Variants in COG2 observed in about 807,000 individuals in gnomAD.
COG2 encodes component of oligomeric golgi complex 2.
In COG2, 52 loss-of-function variants were observed where a neutral mutation model predicts 90.6. The observed-to-expected ratio is 0.57, with a 90% CI of 0.46 to 0.72. The LOEUF (loss-of-function observed/expected upper bound fraction) is 0.72. COG2 is among the 30% of genes least tolerant of loss of function. COG2 has a pLI of 0.00. For synonymous variants in COG2, 337 were observed against 320.4 expected, an observed-to-expected ratio of 1.05 and a Z score of -0.55; for missense variants, 829 against 891.2, an observed-to-expected ratio of 0.93 and a Z score of 0.89.
intron 1 of COG2, among the ~76,000 whole-genome samples, chr1:230,655,043 C>A (rs1571944539): frequency 2.0e-5 from 3 of 152,148 alleles, no homozygotes; most frequent in African/African-American, 7.2e-5. Context: ...CATCTGCAAA[C>A]AGAGACAATT....
intron 3 of COG2, 45 bp downstream of exon 3, chr1:230,660,868 T>C: frequency 1.5e-6 from 2 of 1,316,986 alleles, no homozygotes; most frequent in Non-Finnish European, 1.0e-6. Flanking sequence ...TAAAGCATGA[T>C]ATGCTTGTTT....
intron 13 of COG2, among the ~76,000 whole-genome samples, chr1:230,687,363 G>A (rs1164294451): frequency 4.6e-5 from 7 of 152,140 alleles, no homozygotes; most frequent in Non-Finnish European, 1.0e-4. Context: ...CCTCCTGTGT[G>A]GAGTGCATTC....
intron 4 of COG2, among the ~76,000 whole-genome samples, 153 bp from the exon 5 acceptor site, chr1:230,664,331 A>G (rs571520552): frequency 2.0e-5 from 3 of 152,320 alleles, no homozygotes; most frequent in African/African-American, 7.2e-5. Context: ...ATTCTTGGGA[A>G]TTTTGTGTTA....
At position 230,693,981 on chromosome 1, in the gene COG2, CA is replaced by C. The variant is rs66582779; in HGVS notation, c.*589del. 0.13 allele frequency: 19,128 copies of C among 152,252 alleles called. 1,798 individuals are homozygous for C. The highest frequency in any genetic ancestry group is 0.47 in the East Asian group (2,430 of 5,162). The allele number at this position is 152,252 out of a possible 1,614,324, so 9.4% of individuals were successfully genotyped here. The stretch of plus-strand genomic sequence containing the variant: ...CTTCCTAAATAAAAGAAGTGTCTCC[CA>C]TGAGTGTGTGCTCGTTTTCTTTGGG... On this transcript the variant is annotated 3_prime_UTR_variant, in exon 18 of 18. Transcript: ENST00000366669.
intron 10 of COG2, chr1:230,679,776 T>C (rs981375041): frequency 6.6e-6 from 1 of 152,254 alleles, no homozygotes; most frequent in Admixed American, 6.5e-5. Context: ...TGTTCTTCCG[T>C]AGAATGGATT....
rs1661645385 is a variant in COG2, at chr1:230,642,544, G to C, written c.-63G>C. The C allele has an allele frequency of 2.0e-6, 3 of 1,536,362 alleles. No homozygotes were observed. Reference sequence around the variant, plus strand: ...GGCGGTGGCCGCGGCCGCCGAGTCGGTCTGCGCAGCCTCCTGCGTTTTCTC... The same window carrying C: ...GGCGGTGGCCGCGGCCGCCGAGTCGCTCTGCGCAGCCTCCTGCGTTTTCTC... On this transcript the variant is annotated 5_prime_UTR_variant, in exon 1 of 18. Coordinates refer to ENST00000366669, the MANE Select transcript of COG2 (RefSeq NM_007357.3).
chr1:230,666,828 A>G (rs1200773735), intron 5 of COG2, among the ~76,000 whole-genome samples: 1 of 152,242 alleles, frequency 6.6e-6, no homozygotes, highest in Admixed American at 6.5e-5. Context: ...GTGGAAAAAA[A>G]GCAGGTTATA....
intron 8 of COG2, 114 bp downstream of exon 8, chr1:230,671,754 A>G (rs920462893): frequency 4.3e-6 from 4 of 923,682 alleles, no homozygotes; most frequent in East Asian, 5.3e-5. Flanking sequence ...GTATGAATCC[A>G]TTATGAATCT....
At chr1:230,666,820 G>A (rs1172180091) in intron 5 of COG2, among the ~76,000 whole-genome samples, 1 of 152,068 alleles carries the variant, frequency 6.6e-6, no homozygotes, top group Non-Finnish European at 1.5e-5. Context: ...TGTGCTAAGT[G>A]GAAAAAAAGC....
chr1:230,658,788 C>T (rs776227557), intron 1 of COG2, among the ~76,000 whole-genome samples: 1 of 152,192 alleles, frequency 6.6e-6, no homozygotes, highest in Non-Finnish European at 1.5e-5. Flanking sequence ...CCACAGCGGC[C>T]TTGCTGAGCT....
rs1024880849 is a variant in COG2, at chr1:230,667,274, A to G, written c.486-1402A>G. On this transcript the variant is annotated intron_variant, in intron 5 of 17. Coordinates refer to ENST00000366669, the MANE Select transcript of COG2 (RefSeq NM_007357.3). ...TGTCTGTTTCTAGACATACTCTTAT[A>G]TTATTGTATTATATTATATTCAGTA... 3.3e-5 allele frequency among the ~76,000 whole-genome samples: 5 copies of G among 152,246 alleles called. No individual in the cohort carries two copies. The South Asian group carries it at 8.3e-4, about 25-fold the overall frequency.
At chr1:230,648,964 AAG>A (rs1314360283) in intron 1 of COG2, among the ~76,000 whole-genome samples, 4 of 152,224 alleles carry the variant, frequency 2.6e-5, no homozygotes, top group African/African-American at 9.6e-5. Context: ...AGGAGAGAGA[AAG>A]AGAAGAAATC....
Position 230,668,724 on chromosome 1 carries a change from T to C in COG2, c.534T>C (p.Asn178=), listed in dbSNP as rs1420226574. 6.2e-7 allele frequency: 1 copy of C among 1,613,150 alleles called. No homozygotes were observed. The highest frequency in any genetic ancestry group is 8.5e-7 in the Non-Finnish European group (1 of 1,179,536). Residue 178 remains asparagine, a synonymous_variant, in exon 6 of 18, where the codon AAT becomes AAC. Transcript: ENST00000366669. The part of the protein sequence containing the change: ...QILERIATEF[N]QLQFHAVQSK... ...TGGAGAGAATTGCCACAGAATTTAA[T>C]CAGTTACAGTTTCATGCTGTTCAAA...
At chr1:230,689,727 G>T (rs1662975281) in intron 15 of COG2, among the ~76,000 whole-genome samples, 2 of 152,218 alleles carry the variant, frequency 1.3e-5, no homozygotes, top group African/African-American at 4.8e-5. Context: ...GCCACGGGAA[G>T]CAGTGCCCTA....
At chr1:230,688,353 G>T in intron 14 of COG2, 67 bp from the exon 15 acceptor site, 3 of 1,563,496 alleles carry the variant, frequency 1.9e-6, no homozygotes, top group Non-Finnish European at 2.6e-6. Flanking sequence ...TGCTGTGACA[G>T]TATTTCAAAT....
chr1:230,669,451 C>G lies in COG2; in HGVS notation c.690C>G (p.Cys230Trp), dbSNP rs778276078. Reference sequence around the variant, plus strand: ...CTGACGTCGATATAATACGGCACTGCTTGCGGACTTACGCCACGATTGACA... The same window carrying G: ...CTGACGTCGATATAATACGGCACTGGTTGCGGACTTACGCCACGATTGACA... Reference protein sequence around the residue: ...QTSDVDIIRHCLRTYATIDKT... With the variant: ...QTSDVDIIRHWLRTYATIDKT... The change falls in exon 7 of 18, where the codon TGC (cysteine) becomes TGG (tryptophan). Residue 230 changes from cysteine (C) to tryptophan (W), a missense_variant. Transcript: ENST00000366669. 2.5e-6 allele frequency: 4 copies of G among 1,614,078 alleles called. No homozygotes were observed. The highest frequency in any genetic ancestry group is 1.1e-5 in the South Asian group (1 of 91,088).
chr1:230,645,588 C>A (rs185055613), intron 1 of COG2, among the ~76,000 whole-genome samples: 1 of 152,148 alleles, frequency 6.6e-6, no homozygotes, highest in East Asian at 1.9e-4. Context: ...TTTCCATGGA[C>A]CAGGAGTGCA....
intron 1 of COG2, among the ~76,000 whole-genome samples, chr1:230,653,107 CT>C (rs1415260714): frequency 6.6e-6 from 1 of 152,128 alleles, no homozygotes; most frequent in African/African-American, 2.4e-5. Context: ...ATTTATTTGT[CT>C]TATAACTGAA....
chr1:230,690,040 T>A lies in COG2; in HGVS notation c.1821T>A (p.Tyr607Ter), dbSNP rs778467861. 6.2e-7 allele frequency: 1 copy of A among 1,609,936 alleles called. No individual in the cohort carries two copies. The highest frequency in any genetic ancestry group is 1.1e-5 in the South Asian group (1 of 90,242). The change falls in exon 16 of 18, where the codon TAT becomes TAA. Residue 607 changes from tyrosine to a stop codon, truncating the protein, a stop_gained. Coordinates refer to ENST00000366669, the MANE Select transcript of COG2 (RefSeq NM_007357.3). LOFTEE classifies it high-confidence loss of function. ...NKEVPTTASS[Y>*]VDSALKPLFQ... ...AGGTCCCAACCACAGCTTCCTCCTA[T>A]GTGGACAGTGCTCTGAAGCCCTTAT... is the stretch of plus-strand genomic sequence containing the variant.
Sources: allele counts gnomAD v4.1 joint callset (sites outside exome capture counted in the v4.1 genomes callset), GRCh38; gene constraint gnomAD v4.1.1; transcripts MANE v1.5; gene names NCBI Gene and HGNC (gene_info 2026-07-23, HGNC 2026-07-21).